BCO1: variants seen among roughly 807,000 people sequenced by gnomAD.
The protein encoded by BCO1 is beta,beta-carotene 15,15'-dioxygenase.
In BCO1, 54 loss-of-function variants were observed where a neutral mutation model predicts 56.3. The observed-to-expected ratio is 0.96, with a 90% CI of 0.77 to 1.20. The LOEUF (loss-of-function observed/expected upper bound fraction) is 1.20, where lower values mean the gene tolerates loss of function less well. BCO1 is among the 50% of genes most tolerant of loss of function. BCO1 has a pLI of 0.00. For synonymous variants in BCO1, 318 were observed against 266.1 expected, an observed-to-expected ratio of 1.20 and a Z score of -1.90; for missense variants, 801 against 690.9, an observed-to-expected ratio of 1.16 and a Z score of -1.79.
In BCO1 at chr16:81,245,347, A is replaced by G. The variant is rs372566685; in HGVS notation, c.65-128A>G. On this transcript the variant is annotated intron_variant, in intron 1 of 10. Transcript: ENST00000258168. ...TTATACACTTTCTGGAAATGACTGT[A>G]GAATAAACGAACAGATGCAAGGAGT... 3.7e-5 allele frequency: 51 copies of G among 1,385,262 alleles called. No homozygotes were observed. The East Asian group carries it at 8.5e-4, about 23-fold the overall frequency. The allele number at this position is 1,385,262 out of a possible 1,614,324, so 85.8% of individuals were successfully genotyped here. A position where few individuals can be genotyped will look rare whatever the true frequency, so the allele number is the denominator to read the frequency against.
At chr16:81,257,199 G>A (rs112341579) in intron 2 of BCO1, among the ~76,000 whole-genome samples, 5 of 152,112 alleles carry the variant, frequency 3.3e-5, no homozygotes, top group Non-Finnish European at 5.9e-5. Context: ...AGCTGGGAAG[G>A]ACCTCCTCTC....
intron 7 of BCO1, among the ~76,000 whole-genome samples, chr16:81,276,307 G>A (rs1250250105): frequency 1.3e-5 from 2 of 152,300 alleles, no homozygotes; most frequent in African/African-American, 2.4e-5. Context: ...TGAGTTCACA[G>A]GGCCAAGGCA....
intron 2 of BCO1, among the ~76,000 whole-genome samples, chr16:81,252,608 G>A (rs144379641): frequency 1.8e-3 from 273 of 152,302 alleles, no homozygotes; most frequent in African/African-American, 6.3e-3. Flanking sequence ...CTTAGCCAAT[G>A]CCTTGTGGGT....
chr16:81,244,408 A>T (rs1228724153), intron 1 of BCO1, among the ~76,000 whole-genome samples: 1 of 152,162 alleles, frequency 6.6e-6, no homozygotes, highest in East Asian at 1.9e-4. Context: ...ATCAATATTT[A>T]AAAAATTGCT....
intron 1 of BCO1, among the ~76,000 whole-genome samples, chr16:81,245,063 T>C (rs1360495791): frequency 6.6e-6 from 1 of 152,124 alleles, no homozygotes; most frequent in East Asian, 1.9e-4. Flanking sequence ...GCTAATGTTT[T>C]GTATTTTTAG....
chr16:81,290,865 A>T lies in BCO1; in HGVS notation c.*288A>T, dbSNP rs1207591148. 2.9e-6 allele frequency: 1 copy of T among 344,044 alleles called. No individual in the cohort carries two copies. Among genetic ancestry groups the T allele is most frequent in the Non-Finnish European group, 5.3e-6 (1 of 188,644 alleles). The allele number at this position is 344,044 out of a possible 1,614,324, so 21.3% of individuals were successfully genotyped here. ...AACAAAAAGACCTTGACCATGAATC[A>T]GAGATTGTATTCAATGACATTATCA... On this transcript the variant is annotated 3_prime_UTR_variant, in exon 11 of 11. Transcript: ENST00000258168.
intron 2 of BCO1, among the ~76,000 whole-genome samples, chr16:81,256,321 T>A (rs1257993865): frequency 1.3e-5 from 2 of 152,076 alleles, no homozygotes; most frequent in Non-Finnish European, 1.5e-5. Flanking sequence ...GGAAACATGT[T>A]TTCTCCTCTA....
In BCO1 at chr16:81,249,784, C is replaced by A. The variant is rs147358718; in HGVS notation, c.193+4181C>A. On this transcript the variant is annotated intron_variant, in intron 2 of 10. Transcript: ENST00000258168. ...ACCCAATGATTTGTTTTCCCTCCAT[C>A]TTTCTCTTAGACCTAGGCCAGCGTC... Among the ~76,000 whole-genome samples the A allele has an allele frequency of 3.2e-3, 493 of 152,326 alleles. 1 individual carries two copies. Among genetic ancestry groups the A allele is most frequent in the African/African-American group, 0.011 (456 of 41,586 alleles).
At chr16:81,254,226 T>G (rs1905984126) in intron 2 of BCO1, among the ~76,000 whole-genome samples, 1 of 151,640 alleles carries the variant, frequency 6.6e-6, no homozygotes. Context: ...CCTCCTGGGT[T>G]CAAGCAATTC....
intron 2 of BCO1, among the ~76,000 whole-genome samples, chr16:81,249,905 G>A (rs1184059647): frequency 6.6e-6 from 1 of 152,184 alleles, no homozygotes; most frequent in Non-Finnish European, 1.5e-5. Flanking sequence ...TGCCTGAATT[G>A]TGGTGTCTTC....
intron 6 of BCO1, 97 bp from the exon 7 acceptor site, chr16:81,270,062 T>C: frequency 6.7e-7 from 1 of 1,492,492 alleles, no homozygotes; most frequent in Non-Finnish European, 9.3e-7. Context: ...GTCCTGAGCC[T>C]AGCTCCTGGC....
chr16:81,254,014 C>G (rs930693600), intron 2 of BCO1, among the ~76,000 whole-genome samples: 1 of 152,138 alleles, frequency 6.6e-6, no homozygotes, highest in Non-Finnish European at 1.5e-5. Flanking sequence ...GTAACCACCC[C>G]TGAAAAGATG....
chr16:81,255,317 G>A (rs1361740612), intron 2 of BCO1, among the ~76,000 whole-genome samples: 1 of 152,080 alleles, frequency 6.6e-6, no homozygotes, highest in Non-Finnish European at 1.5e-5. Flanking sequence ...CTAGCTGTGT[G>A]GCTTAACACA....
intron 8 of BCO1, 128 bp downstream of exon 8, chr16:81,281,090 G>A (rs1287616764): frequency 1.1e-5 from 8 of 715,344 alleles, no homozygotes; most frequent in Non-Finnish European, 1.7e-5. Context: ...GTCTTGGGAT[G>A]CCCTGGTGAA....
At chr16:81,290,062 C>A (rs1186804542) in intron 10 of BCO1, among the ~76,000 whole-genome samples, 1 of 152,182 alleles carries the variant, frequency 6.6e-6, no homozygotes. Context: ...TGGGGTTTCA[C>A]CACGTTGGCC....
intron 2 of BCO1, among the ~76,000 whole-genome samples, chr16:81,246,850 C>CAAAAAAAAAAAAAAAAAAAAA (rs71710906): frequency 2.2e-4 from 18 of 83,328 alleles, no homozygotes; most frequent in South Asian, 4.8e-4. Context: ...GACTTTGTCT[C>CAAAAAAAAAAAAAAAAAAAAA]AAAAAAAAAA....
At chr16:81,273,949 T>G (rs1455581414) in intron 7 of BCO1, among the ~76,000 whole-genome samples, 2 of 152,240 alleles carry the variant, frequency 1.3e-5, no homozygotes, top group African/African-American at 4.8e-5. Context: ...TTCTCCCCTA[T>G]GTGACTCAGG....
intron 9 of BCO1, among the ~76,000 whole-genome samples, chr16:81,286,052 T>TA (rs1256425668): frequency 1.0e-4 from 14 of 133,640 alleles, no homozygotes; most frequent in Non-Finnish European, 2.2e-4. Flanking sequence ...TCCTTTTTAT[T>TA]TAAAAAAAAA....
At chr16:81,265,007 A>C (rs1906722953) in intron 5 of BCO1, among the ~76,000 whole-genome samples, 1 of 152,118 alleles carries the variant, frequency 6.6e-6, no homozygotes, top group Non-Finnish European at 1.5e-5. Context: ...ATTTCCTTTT[A>C]TTTAGGCTCC....
Sources: allele counts gnomAD v4.1 joint callset (sites outside exome capture counted in the v4.1 genomes callset), GRCh38; gene constraint gnomAD v4.1.1; transcripts MANE v1.5; gene names NCBI Gene and HGNC (gene_info 2026-07-23, HGNC 2026-07-21).